Variants in RANBP2 observed in about 807,000 individuals in gnomAD.
RANBP2 encodes the protein RAN binding protein 2, also known as E3 SUMO-protein ligase RanBP2.
Under a neutral mutation model 303.6 loss-of-function variants are expected in RANBP2, and 57 were observed. That is an observed-to-expected ratio of 0.19 (90% CI 0.15 to 0.23). RANBP2 has a LOEUF of 0.23. Ranked by LOEUF, RANBP2 falls within the 10% of genes least tolerant of loss-of-function variation. The pLI is 1.00. For synonymous variants in RANBP2, 1,167 were observed against 1,301.5 expected (o/e 0.90, Z 2.23); for missense variants, 3,138 against 3,780.8 (o/e 0.83, Z 4.46).
chr2:109,117,994 A>C, the RANBP2 span, among the ~76,000 whole-genome samples: 1 of 152,204 alleles, frequency 6.6e-6, no homozygotes, highest in Admixed American at 6.5e-5. Flanking sequence ...GACCTGGCTC[A>C]CTCTCCAGGG....
the RANBP2 span, among the ~76,000 whole-genome samples, chr2:109,135,304 T>G: frequency 6.6e-6 from 1 of 152,088 alleles, no homozygotes; most frequent in African/African-American, 2.4e-5. Flanking sequence ...GCCTGCCACC[T>G]CCCCCAGGAC....
At chr2:108,899,006 C>T in the RANBP2 span, among the ~76,000 whole-genome samples, 4 of 152,258 alleles carry the variant, frequency 2.6e-5, no homozygotes, top group Admixed American at 2.0e-4. Context: ...TAAATAAATA[C>T]TCAAATAAAT....
the RANBP2 span, among the ~76,000 whole-genome samples, chr2:108,881,469 G>C: frequency 6.6e-6 from 1 of 152,224 alleles, no homozygotes; most frequent in Non-Finnish European, 1.5e-5. Context: ...TATCATTTGT[G>C]TGTTGTCTGG....
the RANBP2 span, among the ~76,000 whole-genome samples, chr2:108,874,759 G>A: frequency 2.0e-5 from 3 of 152,010 alleles, no homozygotes; most frequent in Admixed American, 6.6e-5. Context: ...AGTTACTAGC[G>A]CTGAATTTAT....
chr2:109,092,353 A>T, the RANBP2 span, among the ~76,000 whole-genome samples: 1 of 152,120 alleles, frequency 6.6e-6, no homozygotes, highest in Non-Finnish European at 1.5e-5. Flanking sequence ...CCTGGAGTGG[A>T]TCAAAGACAA....
At chr2:109,392,540 C>T in the RANBP2 span, among the ~76,000 whole-genome samples, 958 of 151,886 alleles carry the variant, frequency 6.3e-3, 13 homozygotes, top group African/African-American at 0.022. Context: ...GACGGAGTCT[C>T]GCACTGTTGC....
rs768970319 is a variant in RANBP2, at chr2:108,763,821, G to T, written c.3282G>T (p.Gly1094=). The T allele has an allele frequency of 3.1e-6, 5 of 1,614,040 alleles. No individual in the cohort carries two copies. The highest frequency in any genetic ancestry group is 2.7e-5 in the African/African-American group (2 of 75,010). The part of the protein sequence containing the change: ...AKPIPGGQTI[G]PRNTFNFGSK... ...CAATTCCTGGTGGTCAAACCATTGG[G>T]CCTCGAAATACATTCAATTTTGGAA... Residue 1094 remains glycine, a synonymous_variant, in exon 20 of 29, where the codon GGG becomes GGT. Transcript: ENST00000283195.
At chr2:109,106,719 C>A in the RANBP2 span, among the ~76,000 whole-genome samples, 1 of 151,888 alleles carries the variant, frequency 6.6e-6, no homozygotes, top group Non-Finnish European at 1.5e-5. Context: ...CGCCTGTAGT[C>A]CCAGCTACTC....
chr2:109,412,578 G>A, the RANBP2 span, among the ~76,000 whole-genome samples: 1 of 152,184 alleles, frequency 6.6e-6, no homozygotes, highest in Non-Finnish European at 1.5e-5. Context: ...GCCCCTGCTG[G>A]TGCTGCAGGG....
At chr2:109,473,043 A>G in the RANBP2 span, among the ~76,000 whole-genome samples, 1 of 152,260 alleles carries the variant, frequency 6.6e-6, no homozygotes, top group Non-Finnish European at 1.5e-5. Context: ...GCAAGGAGAC[A>G]GGGTCACATG....
chr2:109,398,272 C>G, the RANBP2 span, among the ~76,000 whole-genome samples: 1 of 152,160 alleles, frequency 6.6e-6, no homozygotes, highest in Non-Finnish European at 1.5e-5. Flanking sequence ...TCACTGTCTG[C>G]AAGGCGGCAC....
intron 1 of RANBP2, among the ~76,000 whole-genome samples, chr2:108,724,808 A>C (rs975551487): frequency 1.6e-4 from 24 of 151,756 alleles, no homozygotes; most frequent in African/African-American, 5.1e-4. Context: ...ATTGTCCTGT[A>C]TAATCGCGGC....
At chr2:108,873,403 CT>C in the RANBP2 span, 2 of 1,420,884 alleles carry the variant, frequency 1.4e-6, no homozygotes, top group Non-Finnish European at 1.9e-6. Context: ...TTTTAATTTC[CT>C]TTTTCGCTAC....
At chr2:108,909,555 G>A in the RANBP2 span, among the ~76,000 whole-genome samples, 1 of 152,184 alleles carries the variant, frequency 6.6e-6, no homozygotes, top group African/African-American at 2.4e-5. Context: ...TGCCAAGGGA[G>A]GCACTGTTGC....
chr2:109,384,566 A>G, the RANBP2 span, among the ~76,000 whole-genome samples: 1 of 152,132 alleles, frequency 6.6e-6, no homozygotes, highest in South Asian at 2.1e-4. Context: ...CTCTGAGGAC[A>G]TTGGCATCTG....
the RANBP2 span, among the ~76,000 whole-genome samples, chr2:109,316,154 G>A: frequency 6.6e-6 from 1 of 152,224 alleles, no homozygotes; most frequent in Non-Finnish European, 1.5e-5. Flanking sequence ...TGGAGGAGGT[G>A]TTCAGAGCTG....
chr2:109,068,150 G>A, the RANBP2 span, among the ~76,000 whole-genome samples: 1 of 152,246 alleles, frequency 6.6e-6, no homozygotes, highest in African/African-American at 2.4e-5. Context: ...TTTATCCATA[G>A]TGTGTATTCC....
the RANBP2 span, chr2:109,585,678 G>T: frequency 7.7e-7 from 1 of 1,292,672 alleles, no homozygotes; most frequent in Non-Finnish European, 1.1e-6. Flanking sequence ...TGAGCACAAG[G>T]AATATGAAGG....
At chr2:108,973,750 CA>C in the RANBP2 span, among the ~76,000 whole-genome samples, 5 of 152,244 alleles carry the variant, frequency 3.3e-5, no homozygotes, top group African/African-American at 1.2e-4. Flanking sequence ...GCTGGAGCCA[CA>C]AGCTTGGCTT....
Sources: allele counts gnomAD v4.1 joint callset (sites outside exome capture counted in the v4.1 genomes callset), GRCh38; gene constraint gnomAD v4.1.1; transcripts MANE v1.5; gene names NCBI Gene and HGNC (gene_info 2026-07-23, HGNC 2026-07-21).